The following EP300 variants were observed in gnomAD, a reference collection of about 807,000 sequenced individuals.
The protein encoded by EP300 is histone acetyltransferase p300.
Under a neutral mutation model 264.0 loss-of-function variants are expected in EP300, and 31 were observed. The observed-to-expected ratio is 0.12, with a 90% CI of 0.09 to 0.16. The LOEUF (loss-of-function observed/expected upper bound fraction) is 0.16. EP300 is among the 10% of genes least tolerant of loss of function. EP300 has a pLI of 1.00. For missense variants in EP300, 2,766 were observed against 3,052.9 expected, an observed-to-expected ratio of 0.91 and a Z score of 2.21; for synonymous variants, 1,340 against 1,045.4, an observed-to-expected ratio of 1.28 and a Z score of -5.44.
chr22:41,114,151 G>C (rs138554202), intron 1 of EP300, among the ~76,000 whole-genome samples: 2 of 152,228 alleles, frequency 1.3e-5, no homozygotes, highest in African/African-American at 2.4e-5. Context: ...TTTTAGGTCA[G>C]TTTTGTTACA....
intron 13 of EP300, among the ~76,000 whole-genome samples, chr22:41,149,410 A>C (rs533699977): frequency 6.6e-6 from 1 of 152,228 alleles, no homozygotes; most frequent in African/African-American, 2.4e-5. Flanking sequence ...AATTGTTTTT[A>C]CTAGTGAACA....
chr22:41,108,292 A>G (rs1429696264), intron 1 of EP300, among the ~76,000 whole-genome samples: 4 of 122,444 alleles, frequency 3.3e-5, no homozygotes, highest in African/African-American at 1.3e-4. Context: ...TCTGTCGCCC[A>G]GTCTGGAGTG....
At chr22:41,117,166 G>A in intron 1 of EP300, 21 bp from the exon 2 acceptor site, 1 of 1,610,932 alleles carries the variant, frequency 6.2e-7, no homozygotes, top group Non-Finnish European at 8.5e-7. Context: ...TTTGACCTTT[G>A]TCTTTTCCCT....
chr22:41,108,330 C>T (rs921494643), intron 1 of EP300, among the ~76,000 whole-genome samples: 4 of 147,258 alleles, frequency 2.7e-5, no homozygotes, highest in Non-Finnish European at 5.9e-5. Flanking sequence ...CTCGCTGCAA[C>T]CTCAACCTCC....
chr22:41,149,069 C>T lies in EP300; in HGVS notation c.2273C>T (p.Pro758Leu). Residue 758 changes from proline to leucine, a missense_variant, in exon 13 of 31, where the codon CCT becomes CTT. Pro to Leu is a moderately conservative substitution (Grantham distance 98). Transcript: ENST00000263253. The part of the protein sequence containing the change: ...PMGYGPRMQQ[P>L]SNQGQFLPQT... Reference sequence around the variant, plus strand: ...GGCTATGGGCCTCGTATGCAACAGCCTTCCAACCAGGGCCAGTTCCTTCCT... The same window carrying T: ...GGCTATGGGCCTCGTATGCAACAGCTTTCCAACCAGGGCCAGTTCCTTCCT... 6.2e-7 allele frequency: 1 copy of T among 1,613,792 alleles called. No individual in the cohort carries two copies. The highest frequency in any genetic ancestry group is 8.5e-7 in the Non-Finnish European group (1 of 1,179,944).
Position 41,177,990 on chromosome 22 carries a change from C to G in EP300, c.6279C>G (p.Ala2093=), listed in dbSNP as rs754090447. The change falls in exon 31 of 31, where the codon GCC becomes GCG. Residue 2093 remains alanine, a synonymous_variant. Transcript: ENST00000263253. ...AFIKQRAAKY[A]NSNPQPIPGQ... is the part of the protein sequence containing the mutation. ...TCAAGCAGCGGGCTGCCAAGTATGC[C>G]AACTCTAATCCACAACCCATCCCTG... 2.5e-6 allele frequency: 4 copies of G among 1,614,196 alleles called. No individual in the cohort carries two copies. The South Asian group carries it at 4.4e-5, about 18-fold the overall frequency.
chr22:41,099,929 C>G (rs554920609), intron 1 of EP300, among the ~76,000 whole-genome samples: 58 of 152,256 alleles, frequency 3.8e-4, no homozygotes, highest in Non-Finnish European at 8.8e-5. Flanking sequence ...GAATGGCGCA[C>G]AGTTTAAAAC....
intron 2 of EP300, among the ~76,000 whole-genome samples, chr22:41,123,888 AATT>A (rs759784036): frequency 6.6e-6 from 1 of 152,202 alleles, no homozygotes; most frequent in Admixed American, 6.5e-5. Context: ...TTTTTCAATT[AATT>A]ATTATTATAG....
intron 16 of EP300, among the ~76,000 whole-genome samples, chr22:41,154,376 C>CTTTTTTTTTTTGTTTT (rs2059064377): frequency 1.6e-5 from 1 of 61,792 alleles, no homozygotes. Flanking sequence ...CTTGTGCACT[C>CTTTTTTTTTTTGTTTT]TTTTTTTTTT....
chr22:41,093,606 A>G (rs1299235462), intron 1 of EP300, among the ~76,000 whole-genome samples: 3 of 152,196 alleles, frequency 2.0e-5, no homozygotes, highest in African/African-American at 7.2e-5. Context: ...GAGGTCCAAG[A>G]TTTCAGGTTA....
At position 41,177,474 on chromosome 22, in the gene EP300, C is replaced by T. The variant is rs765920329; in HGVS notation, c.5763C>T (p.Pro1921=). ...PQTAQPPLPG[P]PPAAVEMAMQ... is the part of the protein sequence containing the mutation. ...CTGCTCAGCCACCCCTTCCAGGGCC[C>T]CCACCTGCAGCAGTGGAAATGGCAA... is the stretch of plus-strand genomic sequence containing the variant. The change falls in exon 31 of 31, where the codon CCC becomes CCT. Residue 1921 remains proline (P), a synonymous_variant. Transcript: ENST00000263253. 6 of 1,614,050 alleles carry T rather than the reference C, an allele frequency of 3.7e-6. No homozygotes were observed. The East Asian group carries it at 1.3e-4, about 36-fold the overall frequency.
intron 4 of EP300, among the ~76,000 whole-genome samples, chr22:41,129,601 A>G (rs1018517270): frequency 1.4e-4 from 21 of 152,340 alleles, no homozygotes; most frequent in Non-Finnish European, 2.1e-4. Flanking sequence ...TTTGCTTAGA[A>G]TAAAGTAGGT....
chr22:41,101,448 G>A (rs2058731375), intron 1 of EP300, among the ~76,000 whole-genome samples: 1 of 144,274 alleles, frequency 6.9e-6, no homozygotes, highest in Non-Finnish European at 1.5e-5. Flanking sequence ...GTCTAGCTCT[G>A]TCACCCAGGC....
chr22:41,130,816 T>C (rs1209807214), intron 5 of EP300, among the ~76,000 whole-genome samples: 1 of 152,088 alleles, frequency 6.6e-6, no homozygotes, highest in Non-Finnish European at 1.5e-5. Flanking sequence ...GCTTTTTTTT[T>C]TTAAGAGAAA....
chr22:41,103,006 C>G (rs536046524), intron 1 of EP300, among the ~76,000 whole-genome samples: 1 of 152,050 alleles, frequency 6.6e-6, no homozygotes, highest in Non-Finnish European at 1.5e-5. Flanking sequence ...TCCACCACCA[C>G]GCCTGGCTAA....
intron 13 of EP300, 86 bp downstream of exon 13, chr22:41,149,261 A>T (rs568848847): frequency 6.7e-7 from 1 of 1,487,818 alleles, no homozygotes; most frequent in Non-Finnish European, 9.4e-7. Flanking sequence ...AGTGGCAGCA[A>T]ATAGTGGGTG....
rs1172315931 is a variant in EP300, at chr22:41,178,927, C to T, written c.7216C>T (p.Leu2406Phe). ...CGATAACTCAGACTTGAATTCAAAC[C>T]TCTCACAGAGTACACTAGACATACA... Reference protein sequence around the residue: ...STDNSDLNSNLSQSTLDIH With the variant: ...STDNSDLNSNFSQSTLDIH Residue 2406 changes from leucine (L) to phenylalanine (F), a missense_variant, in exon 31 of 31, where the codon CTC becomes TTC. Coordinates refer to ENST00000263253, the MANE Select transcript of EP300 (RefSeq NM_001429.4). The T allele has an allele frequency of 1.2e-6, 2 of 1,614,186 alleles. No homozygotes were observed. The highest frequency in any genetic ancestry group is 2.2e-5 in the East Asian group (1 of 44,888).
chr22:41,147,737 CAA>C (rs766424236), intron 11 of EP300, 98 bp from the exon 12 acceptor site: 1,825 of 746,336 alleles, frequency 2.4e-3, no homozygotes, highest in East Asian at 2.9e-3. Context: ...GACTCCGTCT[CAA>C]AAAAAAAAAA....
At chr22:41,102,575 A>G (rs886778412) in intron 1 of EP300, among the ~76,000 whole-genome samples, 8 of 152,198 alleles carry the variant, frequency 5.3e-5, no homozygotes, top group East Asian at 1.9e-4. Context: ...CATTTTACCC[A>G]TTTAATGGAT....
Sources: gnomAD v4.1 joint callset for allele counts (sites outside exome capture counted in the v4.1 genomes callset) on GRCh38, gnomAD v4.1.1 for gene constraint, MANE v1.5 for transcripts, NCBI Gene and HGNC (gene_info 2026-07-23, HGNC 2026-07-21) for gene names.